Variants in PTGR1 observed in about 807,000 individuals in gnomAD.
PTGR1 encodes prostaglandin reductase 1, also known as 15-oxoprostaglandin 13-reductase.
PTGR1 carries 23 observed loss-of-function variants against 37.7 expected under a neutral mutation model. That is an observed-to-expected ratio of 0.61 (90% confidence interval 0.44 to 0.86). The LOEUF (loss-of-function observed/expected upper bound fraction) is 0.86. Ranked by LOEUF, PTGR1 falls within the 40% of genes least tolerant of loss-of-function variation. The pLI is 0.00. For synonymous variants in PTGR1, 134 were observed against 140.0 expected (o/e 0.96, Z 0.30); for missense variants, 351 against 394.3 (o/e 0.89, Z 0.93).
chr9:111,578,485 C>T (rs1341147164), intron 7 of PTGR1, among the ~76,000 whole-genome samples: 4 of 152,150 alleles, frequency 2.6e-5, no homozygotes, highest in Non-Finnish European at 4.4e-5. Flanking sequence ...CTGAGTAGTG[C>T]GATCTCCATA....
chr9:111,578,157 G>A (rs780018199), intron 7 of PTGR1, among the ~76,000 whole-genome samples: 1 of 152,042 alleles, frequency 6.6e-6, no homozygotes, highest in Non-Finnish European at 1.5e-5. Context: ...CTTTCTTCAT[G>A]TACCCCAAAA....
chr9:111,594,216 T>G lies in PTGR1; in HGVS notation c.152+6A>C, dbSNP rs1156950768. 1 of 1,611,252 alleles carries G rather than the reference T, an allele frequency of 6.2e-7. No homozygotes were observed. Among genetic ancestry groups the G allele is most frequent in the Non-Finnish European group, 8.5e-7 (1 of 1,177,484 alleles). ...TTAGCATTTTGAGGGGCGAAATAAA[T>G]AATACCTCATGTAGGGATCCACGGT... On this transcript the variant is annotated splice_donor_region_variant and intron_variant, in intron 3 of 9. Coordinates refer to ENST00000407693, the MANE Select transcript of PTGR1 (RefSeq NM_001146108.2).
At chr9:111,578,764 T>C in intron 7 of PTGR1, 32 bp downstream of exon 7, 1 of 1,569,512 alleles carries the variant, frequency 6.4e-7, no homozygotes, top group Non-Finnish European at 8.7e-7. Flanking sequence ...ACTTCCATAA[T>C]AAATTAGATA....
At chr9:111,557,558 G>A (rs58145862) in intron 9 of PTGR1, among the ~76,000 whole-genome samples, 5 of 151,776 alleles carry the variant, frequency 3.3e-5, no homozygotes, top group African/African-American at 1.2e-4. Context: ...TGATTCTCAT[G>A]CCTCAGCCTC....
chr9:111,592,001 T>A (rs1219933585), intron 4 of PTGR1, among the ~76,000 whole-genome samples: 1 of 152,244 alleles, frequency 6.6e-6, no homozygotes, highest in South Asian at 2.1e-4. Context: ...ATGCCAGAAA[T>A]GCAGATTTTC....
intron 1 of PTGR1, among the ~76,000 whole-genome samples, chr9:111,598,772 G>A (rs75253553): frequency 6.6e-6 from 1 of 152,184 alleles, no homozygotes; most frequent in Non-Finnish European, 1.5e-5. Flanking sequence ...TGGGATTACA[G>A]GCGTGAGCCA....
At chr9:111,574,614 A>T in intron 8 of PTGR1, 120 bp downstream of exon 8, 1 of 702,928 alleles carries the variant, frequency 1.4e-6, no homozygotes, top group Non-Finnish European at 2.2e-6. Flanking sequence ...TAAAAAAAAA[A>T]AAAAAAGAAT....
chr9:111,584,910 G>A (rs1290470429), intron 5 of PTGR1, among the ~76,000 whole-genome samples: 1 of 152,186 alleles, frequency 6.6e-6, no homozygotes, highest in Non-Finnish European at 1.5e-5. Context: ...AGGAGGGCTT[G>A]AGGTAGAAAT....
chr9:111,559,192 G>A (rs550359828), downstream of PTGR1, among the ~76,000 whole-genome samples: 54 of 152,000 alleles, frequency 3.6e-4, no homozygotes, highest in East Asian at 7.7e-4. Flanking sequence ...TCACTCACTC[G>A]CACGTGATAC....
rs1049744087 is a variant in PTGR1, at chr9:111,549,875, A to G, written c.880-76T>C. 1.0e-5 allele frequency: 9 copies of G among 899,608 alleles called. No individual in the cohort carries two copies. In the African/African-American group the frequency reaches 1.0e-4, roughly 10 times the overall value. The allele number at this position is 899,608 out of a possible 1,614,324, so 55.7% of individuals were successfully genotyped here. A position where few individuals can be genotyped will look rare whatever the true frequency, so the allele number is the denominator to read the frequency against. ...GCTTTAAAGTCTGTCTAGTGAGTCA[A>G]TGTTTGGTCTTCCTCATGTCCATTT... On this transcript the variant is annotated intron_variant, in intron 9 of 9. Coordinates refer to the PTGR1 transcript ENST00000538962.
rs1318176585 is a variant in PTGR1 at position 111,578,912 on chromosome 9, C to A, written c.535G>T (p.Val179Phe). Residue 179 changes from valine (V) to phenylalanine (F), a missense_variant, in exon 7 of 10, where the codon GTT (valine) becomes TTT (phenylalanine). Transcript: ENST00000407693. The stretch of plus-strand genomic sequence containing the variant: ...AATCCAAGCTTTTGAAGGTAGGCAA[C>A]CTTTTCATCAGACCCTACTGCTCCA... ...VVGAVGSDEKVAYLQKLGFDV... is the reference protein window; with the variant it reads ...VVGAVGSDEKFAYLQKLGFDV... The A allele has an allele frequency of 6.2e-7, 1 of 1,611,872 alleles. No homozygotes were observed. The highest frequency in any genetic ancestry group is 8.5e-7 in the Non-Finnish European group (1 of 1,179,480).
In PTGR1 at chr9:111,590,664, G is replaced by A. The variant is rs1829581959; in HGVS notation, c.209+2262C>T. ...ATGAGCCACTGCGTCCAGCCTTCAT[G>A]TAATTTTTCTGAAGAACAATTTGTC... On this transcript the variant is annotated intron_variant, in intron 4 of 9. Transcript: ENST00000407693. 2.0e-5 allele frequency among the ~76,000 whole-genome samples: 3 copies of A among 152,130 alleles called. No homozygotes were observed. The South Asian group carries it at 6.2e-4, about 32-fold the overall frequency.
At chr9:111,558,467 T>G (rs1487730800), downstream of PTGR1, among the ~76,000 whole-genome samples, 1 of 152,136 alleles carries the variant, frequency 6.6e-6, no homozygotes, top group Admixed American at 6.6e-5. Context: ...CTCTTTAGCC[T>G]GGGAGTTTGA....
chr9:111,594,549 C>T (rs114158563), intron 2 of PTGR1, among the ~76,000 whole-genome samples: 16,555 of 127,074 alleles, frequency 0.13, 1,231 homozygotes, highest in African/African-American at 0.21. Flanking sequence ...TTTTGGCATT[C>T]TTTTTTTTTT....
rs755546941 is a variant in PTGR1, at chr9:111,578,854, G to C, written c.593C>G (p.Ser198Cys). The C allele has an allele frequency of 6.2e-7, 1 of 1,611,638 alleles. No homozygotes were observed. Among genetic ancestry groups the C allele is most frequent in the Non-Finnish European group, 8.5e-7 (1 of 1,179,354 alleles). The change falls in exon 7 of 10, where the codon TCT becomes TGT. Residue 198 changes from serine (S) to cysteine (C), a missense_variant. Coordinates refer to ENST00000407693, the MANE Select transcript of PTGR1 (RefSeq NM_001146108.2). ...CGCTTTCTTCAAGGTTTCTTCCAAA[G>C]ACTCTACCGTCTTGTAGTTAAAGAC... ...DVVFNYKTVE[S>C]LEETLKKASP...
intron 2 of PTGR1, among the ~76,000 whole-genome samples, chr9:111,594,851 C>CT (rs35698448): frequency 0.082 from 7,855 of 95,656 alleles, 606 homozygotes; most frequent in East Asian, 0.21. Context: ...CGACCGGCCT[C>CT]TTTTTTTTTT....
chr9:111,597,549 T>A, intron 1 of PTGR1, 117 bp from the exon 2 acceptor site: 1 of 636,198 alleles, frequency 1.6e-6, no homozygotes, highest in East Asian at 2.7e-5. Context: ...CCCATCATTA[T>A]CATATCATGC....
chr9:111,583,651 T>C (rs962248007), intron 5 of PTGR1, 62 bp from the exon 6 acceptor site: 3 of 1,362,618 alleles, frequency 2.2e-6, no homozygotes, highest in Admixed American at 1.7e-5. Context: ...AACTCATTTA[T>C]ATATATCTTG....
At chr9:111,567,655 GTTTAC>G (rs1828623451) in intron 9 of PTGR1, among the ~76,000 whole-genome samples, 1 of 152,182 alleles carries the variant, frequency 6.6e-6, no homozygotes, top group African/African-American at 2.4e-5. Flanking sequence ...TAGCACTTTG[GTTTAC>G]TTTAAGTGAA....
Sources: allele counts gnomAD v4.1 joint callset (sites outside exome capture counted in the v4.1 genomes callset), GRCh38; gene constraint gnomAD v4.1.1; transcripts MANE v1.5; gene names NCBI Gene and HGNC (gene_info 2026-07-23, HGNC 2026-07-21).